Variants in GRIA2 observed in about 807,000 individuals in gnomAD.
GRIA2 encodes glutamate ionotropic receptor AMPA type subunit 2.
Under a neutral mutation model 97.3 loss-of-function variants are expected in GRIA2, and 14 were observed. That is an observed-to-expected ratio of 0.14 (90% CI 0.10 to 0.23). The LOEUF is 0.23. Ranked by LOEUF, GRIA2 falls within the 10% of genes least tolerant of loss-of-function variation. The pLI is 1.00. For synonymous variants in GRIA2, 412 were observed against 387.8 expected (o/e 1.06, Z -0.73); for missense variants, 558 against 1,069.8 (o/e 0.52, Z 6.67).
At chr4:157,292,356 TAA>T (rs1260326943) in intron 2 of GRIA2, among the ~76,000 whole-genome samples, 1 of 152,002 alleles carries the variant, frequency 6.6e-6, no homozygotes, top group Non-Finnish European at 1.5e-5. Context: ...GGAAACAAAA[TAA>T]GTTAGGTTTT....
chr4:157,277,263 TC>T (rs1732363763), intron 2 of GRIA2, among the ~76,000 whole-genome samples: 1 of 151,832 alleles, frequency 6.6e-6, no homozygotes, highest in Non-Finnish European at 1.5e-5. Context: ...ATCTATCACA[TC>T]AACAAACTAA....
chr4:157,258,397 G>A (rs1731378035), intron 2 of GRIA2, among the ~76,000 whole-genome samples: 1 of 152,042 alleles, frequency 6.6e-6, no homozygotes, highest in South Asian at 2.1e-4. Context: ...GATAAGGGAT[G>A]AAATAAGCCC....
At chr4:157,337,840 A>G (rs2126942972) in intron 11 of GRIA2, among the ~76,000 whole-genome samples, 1 of 151,452 alleles carries the variant, frequency 6.6e-6, no homozygotes, top group East Asian at 2.0e-4. Flanking sequence ...CTCTGATAGT[A>G]GGTAATTATA....
At chr4:157,224,109 A>G (rs1219645902) in intron 2 of GRIA2, among the ~76,000 whole-genome samples, 2 of 152,178 alleles carry the variant, frequency 1.3e-5, no homozygotes, top group African/African-American at 4.8e-5. Context: ...TAATTTGTCC[A>G]TAGTTCTGAG....
chr4:157,326,248 A>AATGGAAGGCC (rs1346721597), intron 6 of GRIA2, among the ~76,000 whole-genome samples: 2 of 152,200 alleles, frequency 1.3e-5, no homozygotes, highest in African/African-American at 4.8e-5. Context: ...CATGGAAGGC[A>AATGGAAGGCC]ATAGTAGGCT....
intron 2 of GRIA2, among the ~76,000 whole-genome samples, chr4:157,274,997 G>C (rs1357847693): frequency 6.6e-6 from 1 of 151,502 alleles, no homozygotes; most frequent in East Asian, 1.9e-4. Context: ...GTGTAAAAGT[G>C]TTCCTATTTC....
rs192371486 is a variant in GRIA2, at chr4:157,282,885, A to G, written c.230-20667A>G. Among the ~76,000 whole-genome samples the G allele has an allele frequency of 1.5e-4, 23 of 152,206 alleles. No homozygotes were observed. In the East Asian group the frequency reaches 4.5e-3, roughly 30 times the overall value. ...AAGAATGCACTGATTTCACAAAAAT[A>G]TAATGAAACAAACTGGGTCACCTAC... is the stretch of plus-strand genomic sequence containing the variant. On this transcript the variant is annotated intron_variant, in intron 2 of 15. Coordinates refer to ENST00000264426, the MANE Select transcript of GRIA2 (RefSeq NM_001083619.3).
chr4:157,351,946 C>G lies in GRIA2; in HGVS notation c.2044-7950C>G, dbSNP rs1197445776. ...ATAAATTACGCAGTCTTGTCCAGTT[C>G]TTTGTAACAGTATGAAAACGAACTT... On this transcript the variant is annotated intron_variant, in intron 12 of 15. Transcript: ENST00000264426. Among the ~76,000 whole-genome samples the G allele has an allele frequency of 2.6e-5, 4 of 152,178 alleles. No homozygotes were observed. The East Asian group carries it at 7.7e-4, about 29-fold the overall frequency.
chr4:157,262,662 C>A (rs1469844740), intron 2 of GRIA2, among the ~76,000 whole-genome samples: 1 of 151,944 alleles, frequency 6.6e-6, no homozygotes, highest in African/African-American at 2.4e-5. Flanking sequence ...TAATTGATTA[C>A]CTTTTGTGTT....
intron 2 of GRIA2, among the ~76,000 whole-genome samples, chr4:157,231,001 A>G (rs1054403240): frequency 2.0e-5 from 3 of 151,964 alleles, no homozygotes; most frequent in Non-Finnish European, 1.5e-5. Flanking sequence ...CTACAGGTCC[A>G]TGCCATCACG....
chr4:157,354,248 A>G (rs1358559291), intron 12 of GRIA2, among the ~76,000 whole-genome samples: 1 of 152,198 alleles, frequency 6.6e-6, no homozygotes, highest in East Asian at 1.9e-4. Context: ...TAAAATTAAT[A>G]TATAAGCAAA....
chr4:157,220,785 G>C lies in GRIA2; in HGVS notation c.-258G>C. On this transcript the variant is annotated 5_prime_UTR_variant, in exon 1 of 16. Transcript: ENST00000264426. Reference sequence around the variant, plus strand: ...TATTCCGAGACACTGGGACCACAGCGGCAGCTCCGCTGAAAACTGCATTCA... The same window carrying C: ...TATTCCGAGACACTGGGACCACAGCCGCAGCTCCGCTGAAAACTGCATTCA... 1.9e-6 allele frequency: 1 copy of C among 533,838 alleles called. No individual in the cohort carries two copies. The highest frequency in any genetic ancestry group is 2.1e-5 in the South Asian group (1 of 46,704). The allele number at this position is 533,838 out of a possible 1,614,324, so 33.1% of individuals were successfully genotyped here. A position where few individuals can be genotyped will look rare whatever the true frequency, so the allele number is the denominator to read the frequency against.
At chr4:157,236,856 A>T (rs1283050230) in intron 2 of GRIA2, among the ~76,000 whole-genome samples, 1 of 152,026 alleles carries the variant, frequency 6.6e-6, no homozygotes, top group Non-Finnish European at 1.5e-5. Flanking sequence ...GGGTGAGTCT[A>T]CTTATTATTA....
chr4:157,317,467 T>C (rs899996334), intron 4 of GRIA2, among the ~76,000 whole-genome samples, 191 bp from the exon 5 acceptor site: 1 of 152,122 alleles, frequency 6.6e-6, no homozygotes, highest in Non-Finnish European at 1.5e-5. Context: ...TTAATATGTA[T>C]TATTACTTTT....
At chr4:157,290,966 T>C (rs1733071980) in intron 2 of GRIA2, among the ~76,000 whole-genome samples, 1 of 151,952 alleles carries the variant, frequency 6.6e-6, no homozygotes, top group Non-Finnish European at 1.5e-5. Flanking sequence ...TATACAGAAG[T>C]GCATATGTTC....
intron 6 of GRIA2, among the ~76,000 whole-genome samples, chr4:157,331,571 A>T (rs1043453027): frequency 1.3e-5 from 2 of 152,024 alleles, no homozygotes; most frequent in Admixed American, 1.3e-4. Context: ...AGAAACAAAC[A>T]TACAAGTGAA....
At chr4:157,282,781 C>T (rs1359495329) in intron 2 of GRIA2, among the ~76,000 whole-genome samples, 1 of 152,062 alleles carries the variant, frequency 6.6e-6, no homozygotes, top group African/African-American at 2.4e-5. Context: ...AGGAACATCA[C>T]TCAGGTCTAT....
intron 2 of GRIA2, among the ~76,000 whole-genome samples, chr4:157,302,412 A>G (rs1324219681): frequency 6.6e-6 from 1 of 152,124 alleles, no homozygotes; most frequent in Non-Finnish European, 1.5e-5. Context: ...TAGATATTTC[A>G]CTAGTTGGGT....
At position 157,361,015 on chromosome 4, in the gene GRIA2, C is replaced by T. The variant is rs368092099; in HGVS notation, c.2297C>T (p.Ala766Val). 36 of 1,601,246 alleles carry T rather than the reference C, an allele frequency of 2.2e-5. No homozygotes were observed. Among genetic ancestry groups the T allele is most frequent in the African/African-American group, 4.0e-5 (3 of 74,634 alleles). The change falls in exon 14 of 16, where the codon GCG (alanine) becomes GTG (valine). Residue 766 changes from alanine to valine, a missense_variant. By Grantham distance (64) the Ala-to-Val change is moderately conservative. This residue lies in a region of GRIA2 where 125 missense variants were observed against 310.2 expected (regional missense o/e 0.40). Transcript: ENST00000264426. This position sits in a 1 kb window ranked among gnomAD's most constrained non-coding sequence, Gnocchi z 5.2. Reference sequence around the variant, plus strand: ...GTATGTTTTATCGTTTCAAGAAATGCGGTTAACCTCGCAGTACTAAAACTG... The same window carrying T: ...GTATGTTTTATCGTTTCAAGAAATGTGGTTAACCTCGCAGTACTAAAACTG... ...ATPKGSSLRNAVNLAVLKLNE... is the reference protein window; with the variant it reads ...ATPKGSSLRNVVNLAVLKLNE...
Sources: gnomAD v4.1 joint callset for allele counts (sites outside exome capture counted in the v4.1 genomes callset) on GRCh38, gnomAD v4.1.1 for gene constraint, gnomAD v4.1.1 regional missense constraint, Gnocchi (gnomAD v3.1) non-coding constraint, MANE v1.5 for transcripts, NCBI Gene and HGNC (gene_info 2026-07-23, HGNC 2026-07-21) for gene names.